Variants in JMJD1C observed in about 807,000 individuals in gnomAD.
JMJD1C encodes jumonji domain-containing protein 1C.
A neutral mutation model predicts 245.3 loss-of-function variants in JMJD1C; 31 were observed. That is an observed-to-expected ratio of 0.13 (90% CI 0.09 to 0.17). The LOEUF is 0.17. Among genes scored for constraint, JMJD1C ranks in the 10% least tolerant of loss-of-function variants. The probability of loss-of-function intolerance (pLI) is 1.00; values close to 1 mark genes in which losing one functional copy is unlikely to be tolerated. For missense variants in JMJD1C, 2,691 were observed against 3,000.2 expected (o/e 0.90, Z 2.41); for synonymous variants, 1,057 against 1,017.4 (o/e 1.04, Z -0.74).
At chr10:63,203,099 A>G in intron 10 of JMJD1C, 1 of 985,218 alleles carries the variant, frequency 1.0e-6, no homozygotes, top group South Asian at 4.7e-5. Context: ...ATAAAAGAAT[A>G]AATGAGTACA....
chr10:63,419,075 T>TTA (rs1949965153), intron 1 of JMJD1C, among the ~76,000 whole-genome samples: 1 of 104,492 alleles, frequency 9.6e-6, no homozygotes. Context: ...AGACTCCATC[T>TTA]CAAAAAAAAA....
intron 2 of JMJD1C, among the ~76,000 whole-genome samples, chr10:63,375,486 TAA>T (rs1946660714): frequency 6.6e-6 from 1 of 151,466 alleles, no homozygotes; most frequent in Non-Finnish European, 1.5e-5. Flanking sequence ...AAAGAAAACA[TAA>T]GTAAAAAGAC....
chr10:63,306,873 A>G (rs192715742), intron 2 of JMJD1C, among the ~76,000 whole-genome samples: 1 of 152,220 alleles, frequency 6.6e-6, no homozygotes, highest in East Asian at 1.9e-4. Flanking sequence ...TAACATGTTT[A>G]TAAGGACCAG....
chr10:63,359,298 G>A (rs1945127489), intron 2 of JMJD1C, among the ~76,000 whole-genome samples: 1 of 152,186 alleles, frequency 6.6e-6, no homozygotes, highest in Non-Finnish European at 1.5e-5. Context: ...CTAAGCTGTT[G>A]TGCACATTTA....
intron 2 of JMJD1C, among the ~76,000 whole-genome samples, chr10:63,354,927 G>A (rs1327492464): frequency 6.6e-6 from 1 of 151,906 alleles, no homozygotes; most frequent in Non-Finnish European, 1.5e-5. Flanking sequence ...GGAGGCTGAG[G>A]TGGGAGGATC....
chr10:63,176,624 T>C, intron 23 of JMJD1C, 151 bp from the exon 24 acceptor site: 1 of 629,972 alleles, frequency 1.6e-6, no homozygotes, highest in Non-Finnish European at 2.7e-6. Flanking sequence ...AAAAATAACA[T>C]TCTGCAATAA....
intron 1 of JMJD1C, among the ~76,000 whole-genome samples, chr10:63,441,451 G>A (rs1041524060): frequency 3.9e-5 from 6 of 152,142 alleles, no homozygotes; most frequent in African/African-American, 1.4e-4. Context: ...TTTCCATGGG[G>A]ACGAAGTAAG....
chr10:63,277,727 A>ATTTTT (rs1389505532), intron 2 of JMJD1C, among the ~76,000 whole-genome samples: 10 of 83,144 alleles, frequency 1.2e-4, no homozygotes, highest in South Asian at 3.1e-4. Flanking sequence ...AGTAATTTGC[A>ATTTTT]TTTCTTTTTT....
At chr10:63,385,392 ATC>A (rs1322219419) in intron 1 of JMJD1C, among the ~76,000 whole-genome samples, 1 of 146,052 alleles carries the variant, frequency 6.8e-6, no homozygotes, top group East Asian at 2.0e-4. Flanking sequence ...GTTGTCACAA[ATC>A]CCATGCCTTC....
At position 63,486,150 on chromosome 10, in the gene JMJD1C, A is replaced by C. The variant is rs1481729884; in HGVS notation, n.113+35588T>G. ...TTCAAGCAATTGTAAAAAAAAAAAA[A>C]AAAAAAAAAAAAAAAAAACAAAAAA... is the stretch of plus-strand genomic sequence containing the variant. On this transcript the variant is annotated intron_variant and non_coding_transcript_variant, in intron 1 of 3. Coordinates refer to the JMJD1C transcript ENST00000633035. 4.9e-5 allele frequency among the ~76,000 whole-genome samples: 5 copies of C among 101,708 alleles called. No homozygotes were observed. The East Asian group carries it at 1.8e-3, about 37-fold the overall frequency. The allele number at this position is 101,708 out of a possible 152,430, so 66.7% of individuals were successfully genotyped here.
At chr10:63,372,712 T>C (rs2134440935) in intron 2 of JMJD1C, among the ~76,000 whole-genome samples, 1 of 152,290 alleles carries the variant, frequency 6.6e-6, no homozygotes, top group South Asian at 2.1e-4. Flanking sequence ...CAAGGAACCA[T>C]ACATAGATGA....
intron 2 of JMJD1C, among the ~76,000 whole-genome samples, chr10:63,296,555 T>C (rs940867910): frequency 6.6e-6 from 1 of 152,170 alleles, no homozygotes; most frequent in African/African-American, 2.4e-5. Context: ...ATTAAAAGGA[T>C]ACTTGTTTAC....
In JMJD1C at chr10:63,213,533, C is replaced by T. The variant is rs1169594102; in HGVS notation, c.2634G>A (p.Leu878=). ...CTGGGTGAACCCACTTAGAAGAAGG[C>T]AAACCAAGTCCTGAGTATGCATGTG... ...NGTHAYSGLG[L]PSSKWVHPEN... Residue 878 remains leucine, a synonymous_variant, in exon 8 of 26, where the codon TTG becomes TTA. Coordinates refer to ENST00000399262, the MANE Select transcript of JMJD1C (RefSeq NM_032776.3). The T allele has an allele frequency of 1.2e-6, 2 of 1,609,886 alleles. No homozygotes were observed. Among genetic ancestry groups the T allele is most frequent in the South Asian group, 1.1e-5 (1 of 91,022 alleles).
intron 1 of JMJD1C, among the ~76,000 whole-genome samples, chr10:63,431,282 T>C (rs896190142): frequency 1.6e-4 from 24 of 152,108 alleles, no homozygotes; most frequent in African/African-American, 5.1e-4. Context: ...ACCAACTTAA[T>C]TATTGAGGAA....
chr10:63,348,034 G>A (rs1259271815), intron 2 of JMJD1C, among the ~76,000 whole-genome samples: 4 of 152,002 alleles, frequency 2.6e-5, no homozygotes, highest in Non-Finnish European at 5.9e-5. Context: ...ACAACATGGT[G>A]AAATCCACCT....
At chr10:63,306,584 T>C (rs1938275201) in intron 2 of JMJD1C, among the ~76,000 whole-genome samples, 1 of 152,226 alleles carries the variant, frequency 6.6e-6, no homozygotes, top group African/African-American at 2.4e-5. Flanking sequence ...TTTTAAAAAG[T>C]GTATATATAC....
intron 1 of JMJD1C, among the ~76,000 whole-genome samples, chr10:63,417,317 A>G (rs1472536366): frequency 6.6e-6 from 1 of 152,190 alleles, no homozygotes; most frequent in Non-Finnish European, 1.5e-5. Context: ...AGCAGAAATT[A>G]AATTAAAGCT....
At chr10:63,246,860 A>C (rs931294044) in intron 3 of JMJD1C, among the ~76,000 whole-genome samples, 1 of 152,128 alleles carries the variant, frequency 6.6e-6, no homozygotes, top group Non-Finnish European at 1.5e-5. Flanking sequence ...TAGGTCAATA[A>C]AGAAACTTAA....
intron 1 of JMJD1C, among the ~76,000 whole-genome samples, chr10:63,398,997 G>A (rs182532493): frequency 7.4e-6 from 1 of 134,926 alleles, no homozygotes; most frequent in Admixed American, 7.2e-5. Flanking sequence ...TTCGCTTCTT[G>A]GAGGTTGTTT....
Sources: gnomAD v4.1 joint callset for allele counts (sites outside exome capture counted in the v4.1 genomes callset) on GRCh38, gnomAD v4.1.1 for gene constraint, MANE v1.5 for transcripts, NCBI Gene and HGNC (gene_info 2026-07-23, HGNC 2026-07-21) for gene names.